F8: variants seen among roughly 807,000 people sequenced by gnomAD.
The protein encoded by F8 is antihemophilic factor.
In F8, 12 loss-of-function variants were observed where a neutral mutation model predicts 140.6. The ratio of observed to expected loss-of-function variants is 0.09; its 90% confidence interval spans 0.05 to 0.14. The LOEUF (loss-of-function observed/expected upper bound fraction) is 0.14, where lower values mean the gene tolerates loss of function less well. Among genes scored for constraint, F8 ranks in the 10% least tolerant of loss-of-function variants. The probability of loss-of-function intolerance (pLI) is 1.00; values close to 1 mark genes in which losing one functional copy is unlikely to be tolerated. For missense variants in F8, 1,354 were observed against 1,720.7 expected, an observed-to-expected ratio of 0.79 and a Z score of 3.77; for synonymous variants, 585 against 614.6, an observed-to-expected ratio of 0.95 and a Z score of 0.71.
At chrX:154,973,811 T>G (rs1275801454) in intron 6 of F8, among the ~76,000 whole-genome samples, 3 of 111,825 alleles carry the variant, frequency 2.7e-5, no homozygotes, top group Non-Finnish European at 5.6e-5. Flanking sequence ...TTTGTTTTTG[T>G]TTCGAGACAG....
chrX:154,900,352 G>A (rs782023760), intron 20 of F8, among the ~76,000 whole-genome samples: 1 of 110,543 alleles, frequency 9.0e-6, no homozygotes, highest in Non-Finnish European at 1.9e-5. Flanking sequence ...TCCTGCCTCA[G>A]TCTCCTAGGT....
chrX:154,855,386 C>T (rs782696050), intron 25 of F8, among the ~76,000 whole-genome samples: 2 of 111,591 alleles, frequency 1.8e-5, no homozygotes, highest in South Asian at 7.5e-4. Context: ...CCCTTATCTA[C>T]TGTAGCCACA....
intron 25 of F8, among the ~76,000 whole-genome samples, chrX:154,859,556 C>T (rs112758962): frequency 0.019 from 2,144 of 111,315 alleles, 20 homozygotes; most frequent in Middle Eastern, 0.032. Flanking sequence ...CCTGCCTCAG[C>T]CTCCCAAAGT....
chrX:154,894,084 C>T (rs1176995880), intron 22 of F8, among the ~76,000 whole-genome samples: 1 of 111,787 alleles, frequency 8.9e-6, no homozygotes, highest in Non-Finnish European at 1.9e-5. Context: ...TTTAAATTCA[C>T]CTATAGCCCG....
chrX:154,966,910 G>A (rs1187775212), intron 7 of F8, among the ~76,000 whole-genome samples: 1 of 110,239 alleles, frequency 9.1e-6, no homozygotes, highest in Non-Finnish European at 1.9e-5. Flanking sequence ...CATGGTGAAA[G>A]CAGGAGCAAG....
rs782241116 is a variant in F8 at position 154,953,990 on chromosome X, C to T, written c.1805G>A (p.Arg602Gln). ...TATATTCTCTGTGAGGTACCAGCTT[C>T]GGTTCTCATCAAATACAGAAAACAG... ...VILFSVFDENRSWYLTENIQR... is the reference protein window; with the variant it reads ...VILFSVFDENQSWYLTENIQR... The change falls in exon 12 of 26, where the codon CGA becomes CAA. Residue 602 changes from arginine (R) to glutamine (Q), a missense_variant. Transcript: ENST00000360256. 3.4e-5 allele frequency: 41 copies of T among 1,209,094 alleles called. No individual in the cohort carries two copies. The highest frequency in any genetic ancestry group is 4.2e-5 in the Non-Finnish European group (38 of 894,430).
intron 23 of F8, among the ~76,000 whole-genome samples, chrX:154,862,711 T>C (rs1324725045): frequency 8.9e-6 from 1 of 112,349 alleles, no homozygotes; most frequent in African/African-American, 3.2e-5. Context: ...GAAAAGGACA[T>C]GATCTCATTC....
intron 6 of F8, among the ~76,000 whole-genome samples, chrX:154,982,642 C>T (rs1426328548): frequency 9.1e-6 from 1 of 110,390 alleles, no homozygotes; most frequent in African/African-American, 3.3e-5. Flanking sequence ...TGTAAACAAA[C>T]GTAAAGATCC....
At chrX:154,862,454 T>A (rs1456118148) in intron 23 of F8, among the ~76,000 whole-genome samples, 1 of 111,435 alleles carries the variant, frequency 9.0e-6, no homozygotes, top group Non-Finnish European at 1.9e-5. Flanking sequence ...GTTTGTTGCA[T>A]GGGTAAATTG....
intron 2 of F8, among the ~76,000 whole-genome samples, chrX:154,998,289 T>C (rs1056353208): frequency 1.2e-4 from 14 of 113,253 alleles, no homozygotes; most frequent in Admixed American, 1.0e-3. Flanking sequence ...GTAAAGGTAA[T>C]TTGTTTTGGC....
intron 25 of F8, among the ~76,000 whole-genome samples, chrX:154,854,740 G>T (rs2072639439): frequency 9.0e-6 from 1 of 111,436 alleles, no homozygotes; most frequent in Non-Finnish European, 1.9e-5. Flanking sequence ...ATTTGTTATT[G>T]GATTTCTGGA....
Position 154,931,558 on chromosome X carries a change from A to G in F8, c.2232T>C (p.Asp744=). Residue 744 remains aspartate (D), a synonymous_variant, in exon 14 of 26, where the codon GAT becomes GAC. Transcript: ENST00000360256. ...TGDYYEDSYE[D]ISAYLLSKNN... is the part of the protein sequence containing the mutation. ...TTTTACTCAGCAAGTATGCTGAAAT[A>G]TCTTCATAACTGTCCTCGTAATAAT... The G allele has an allele frequency of 8.3e-7, 1 of 1,211,207 alleles. No homozygotes were observed. The highest frequency in any genetic ancestry group is 1.1e-6 in the Non-Finnish European group (1 of 894,954).
intron 1 of F8, among the ~76,000 whole-genome samples, chrX:155,010,996 T>C (rs974177315): frequency 5.3e-5 from 6 of 112,201 alleles, no homozygotes; most frequent in African/African-American, 1.9e-4. Context: ...GATTTGACAT[T>C]GATTTCTTAG....
chrX:154,915,239 C>T (rs372373135), intron 14 of F8, among the ~76,000 whole-genome samples: 36 of 111,740 alleles, frequency 3.2e-4, no homozygotes, highest in African/African-American at 1.0e-3. Context: ...GTCCCTCCCA[C>T]GACATGTGGG....
chrX:154,953,911 T>TA lies in F8; in HGVS notation c.1883_1884insT (p.Gln628HisfsTer15). On this transcript the variant is annotated frameshift_variant, in exon 12 of 26. Transcript: ENST00000360256. LOFTEE classifies it high-confidence loss of function. Reference sequence around the variant, plus strand: ...ACTCACTGTGCATGATGTTGGAGGCTTGGAACTCTGGATCCTCAAGCTGCA... The same window carrying TA: ...ACTCACTGTGCATGATGTTGGAGGCTATGGAACTCTGGATCCTCAAGCTGCA... 1 of 1,210,305 alleles carries TA rather than the reference T, an allele frequency of 8.3e-7. No individual in the cohort carries two copies. Among genetic ancestry groups the TA allele is most frequent in the Middle Eastern group, 2.3e-4 (1 of 4,356 alleles).
chrX:154,846,429 T>C (rs1557271754), intron 25 of F8, among the ~76,000 whole-genome samples: 1 of 111,885 alleles, frequency 8.9e-6, no homozygotes, highest in Non-Finnish European at 1.9e-5. Context: ...AGTCTCTTTG[T>C]AGGTCTCTAA....
At chrX:154,877,288 A>C (rs782436024) in intron 22 of F8, among the ~76,000 whole-genome samples, 4 of 111,415 alleles carry the variant, frequency 3.6e-5, no homozygotes, top group Admixed American at 2.8e-4. Flanking sequence ...AATATCCTGG[A>C]TTATCCAGGT....
chrX:154,989,645 A>G (rs782013928), intron 4 of F8, among the ~76,000 whole-genome samples: 1 of 112,118 alleles, frequency 8.9e-6, no homozygotes, highest in Non-Finnish European at 1.9e-5. Flanking sequence ...TGTCCATATA[A>G]CTCTTGCTTT....
intron 14 of F8, among the ~76,000 whole-genome samples, chrX:154,922,691 G>C (rs1364380737): frequency 1.2e-4 from 13 of 111,908 alleles, no homozygotes; most frequent in Non-Finnish European, 2.3e-4. Flanking sequence ...TTTAAGTAGA[G>C]AGAACAGAAA....
Sources: allele counts gnomAD v4.1 joint callset (sites outside exome capture counted in the v4.1 genomes callset), GRCh38; gene constraint gnomAD v4.1.1; transcripts MANE v1.5; gene names NCBI Gene and HGNC (gene_info 2026-07-23, HGNC 2026-07-21).